Variants in MASP1 observed in about 807,000 individuals in gnomAD.
MASP1 encodes the protein mannan-binding lectin serine protease 1.
A neutral mutation model predicts 77.1 loss-of-function variants in MASP1; 59 were observed. The ratio of observed to expected loss-of-function variants is 0.77; its 90% confidence interval spans 0.62 to 0.95. The LOEUF is 0.95. Ranked by LOEUF, MASP1 falls within the 40% of genes least tolerant of loss-of-function variation. The probability of loss-of-function intolerance (pLI) is 0.00; values close to 1 mark genes in which losing one functional copy is unlikely to be tolerated. For missense variants in MASP1, 885 were observed against 912.9 expected, an observed-to-expected ratio of 0.97 and a Z score of 0.39; for synonymous variants, 362 against 354.5, an observed-to-expected ratio of 1.02 and a Z score of -0.24.
At position 187,251,090 on chromosome 3, in the gene MASP1, C is replaced by G. The variant is rs144508443; in HGVS notation, c.1011+544G>C. ...TCTCCTGCCTCAGCCTCCCAAGTAG[C>G]TGGGATTACAGGCGCCCGCCACCAC... On this transcript the variant is annotated intron_variant, in intron 7 of 10. Transcript: ENST00000296280. 2.4e-3 allele frequency among the ~76,000 whole-genome samples: 369 copies of G among 152,238 alleles called. 13 individuals carry two copies. In the East Asian group the frequency reaches 0.061, roughly 25 times the overall value.
In MASP1 at chr3:187,220,989, T is replaced by G. The variant is rs745435035; in HGVS notation, c.1909+46A>C. 3 of 1,524,768 alleles carry G rather than the reference T, an allele frequency of 2.0e-6. No individual in the cohort carries two copies. The African/African-American group carries it at 4.1e-5, about 21-fold the overall frequency. The allele number at this position is 1,524,768 out of a possible 1,614,324, so 94.5% of individuals were successfully genotyped here. A position where few individuals can be genotyped will look rare whatever the true frequency, so the allele number is the denominator to read the frequency against. ...TGCTCCCTTGCTGGCTCTGCACCACTCCCTGGCTGGCAGCGCCCCTGTTGT... is the reference window on the plus strand; with the variant it reads ...TGCTCCCTTGCTGGCTCTGCACCACGCCCTGGCTGGCAGCGCCCCTGTTGT... On this transcript the variant is annotated intron_variant, in intron 15 of 15. Coordinates refer to the MASP1 transcript ENST00000337774.
chr3:187,274,352 T>C (rs902758979), intron 2 of MASP1, among the ~76,000 whole-genome samples: 8 of 152,212 alleles, frequency 5.3e-5, no homozygotes, highest in Admixed American at 2.6e-4. Flanking sequence ...GGGAGACAGT[T>C]CTGAGTCCAT....
intron 11 of MASP1, among the ~76,000 whole-genome samples, chr3:187,228,348 C>A (rs1712559295): frequency 6.6e-6 from 1 of 151,678 alleles, no homozygotes; most frequent in Non-Finnish European, 1.5e-5. Flanking sequence ...TAGGTGCACA[C>A]AATCCATCTC....
At chr3:187,273,430 T>C (rs1228548576) in intron 2 of MASP1, among the ~76,000 whole-genome samples, 2 of 152,232 alleles carry the variant, frequency 1.3e-5, no homozygotes, top group Non-Finnish European at 2.9e-5. Context: ...CTCTAAAGGC[T>C]TCTGTCCACA....
intron 10 of MASP1, among the ~76,000 whole-genome samples, chr3:187,240,184 G>A (rs1202808409): frequency 8.4e-6 from 1 of 118,942 alleles, no homozygotes; most frequent in African/African-American, 3.4e-5. Flanking sequence ...CTTGGGTTAT[G>A]TCTTTATCAG....
intron 14 of MASP1, among the ~76,000 whole-genome samples, chr3:187,221,719 T>C (rs1712070644): frequency 6.6e-6 from 1 of 152,220 alleles, no homozygotes; most frequent in Non-Finnish European, 1.5e-5. Context: ...TGTTATGTTG[T>C]CCTCCCTCTC....
chr3:187,243,452 G>C (rs553888965), intron 9 of MASP1, 32 bp downstream of exon 9: 7 of 1,613,558 alleles, frequency 4.3e-6, no homozygotes, highest in Admixed American at 1.7e-5. Flanking sequence ...AGTGTGAAAC[G>C]GGAGTGGGAT....
At chr3:187,225,554 A>G (rs780385899) in intron 12 of MASP1, 1 of 1,599,930 alleles carries the variant, frequency 6.3e-7, no homozygotes, top group Non-Finnish European at 8.6e-7. Flanking sequence ...AATGGAGGAT[A>G]AGGTCACACC....
chr3:187,232,741 C>T (rs1041471042), downstream of MASP1, among the ~76,000 whole-genome samples: 5 of 152,122 alleles, frequency 3.3e-5, no homozygotes, highest in Admixed American at 1.3e-4. Flanking sequence ...TACCTCAGTA[C>T]CTCAATATGT....
Position 187,235,364 on chromosome 3 carries a change from G to A in MASP1, c.*320C>T, listed in dbSNP as rs947161371. 2.1e-6 allele frequency: 3 copies of A among 1,416,724 alleles called. No homozygotes were observed. Among genetic ancestry groups the A allele is most frequent in the African/African-American group, 1.4e-5 (1 of 70,426 alleles). 87.8% of individuals were successfully genotyped at this position (1,416,724 alleles called of 1,614,324 possible). On this transcript the variant is annotated 3_prime_UTR_variant, in exon 11 of 11. Transcript: ENST00000296280. Reference sequence around the variant, plus strand: ...TCAGGAGTGAATAAAGGCCACTGGGGTAAGAAGCATGGCCTGGAAAGGAGT... The same window carrying A: ...TCAGGAGTGAATAAAGGCCACTGGGATAAGAAGCATGGCCTGGAAAGGAGT...
chr3:187,260,845 TC>T lies in MASP1; in HGVS notation c.442del (p.Asp148ThrfsTer49). On this transcript the variant is annotated frameshift_variant, in exon 4 of 11. Coordinates refer to ENST00000296280, the MANE Select transcript of MASP1 (RefSeq NM_139125.4). LOFTEE classifies it high-confidence loss of function. ...GTAGTGGTCACAGGACAGCTCCTCG[TC>T]CTCCCTCTCCTTGCACTCGTCCACA... ...VDVDECKERE[D>X]EELSCDHYCH... 6.2e-7 allele frequency: 1 copy of T among 1,614,084 alleles called. No individual in the cohort carries two copies. The highest frequency in any genetic ancestry group is 1.1e-5 in the South Asian group (1 of 91,072).
At position 187,285,851 on chromosome 3, in the gene MASP1, A is replaced by G; in HGVS notation, c.211T>C (p.Tyr71His). ...YFMHFNLESS[Y>H]LCEYDYVKVE... ...TTCACATAGTCATATTCACAAAGGT[A>G]GGAGGATTCCAAGTTGAAGTGCATG... is the stretch of plus-strand genomic sequence containing the variant. The change falls in exon 2 of 11, where the codon TAC becomes CAC. Residue 71 changes from tyrosine to histidine, a missense_variant. Coordinates refer to ENST00000296280, the MANE Select transcript of MASP1 (RefSeq NM_139125.4). 6.2e-7 allele frequency: 1 copy of G among 1,614,080 alleles called. No individual in the cohort carries two copies. Among genetic ancestry groups the G allele is most frequent in the Non-Finnish European group, 8.5e-7 (1 of 1,179,940 alleles).
chr3:187,219,189 G>C (rs1429717586), exon 16 of MASP1: 1 of 152,160 alleles, frequency 6.6e-6, no homozygotes, highest in East Asian at 1.9e-4. Context: ...TTTGCCTTTT[G>C]GTTACATTGG....
At chr3:187,261,805 A>C (rs1012475212) in intron 3 of MASP1, among the ~76,000 whole-genome samples, 20 of 152,246 alleles carry the variant, frequency 1.3e-4, no homozygotes, top group Admixed American at 1.2e-3. Context: ...TGAGAGCTAA[A>C]AAATGGGGAG....
At chr3:187,227,608 A>C (rs1397564361) in intron 11 of MASP1, among the ~76,000 whole-genome samples, 4 of 152,170 alleles carry the variant, frequency 2.6e-5, no homozygotes, top group African/African-American at 4.8e-5. Context: ...TCCAGGCTCC[A>C]CTTGGCCCTC....
intron 5 of MASP1, among the ~76,000 whole-genome samples, chr3:187,254,547 T>C (rs571177834): frequency 2.6e-5 from 4 of 152,188 alleles, no homozygotes; most frequent in African/African-American, 9.6e-5. Context: ...CCACTTTGTG[T>C]TGAGAGATTT....
intron 6 of MASP1, 143 bp downstream of exon 6, chr3:187,253,025 C>A: frequency 9.9e-7 from 1 of 1,009,888 alleles, no homozygotes; most frequent in Non-Finnish European, 1.5e-6. Flanking sequence ...GGAGAAAGCA[C>A]GTGCCTTGGT....
intron 2 of MASP1, among the ~76,000 whole-genome samples, chr3:187,284,616 T>C (rs1224104065): frequency 2.0e-5 from 3 of 152,218 alleles, no homozygotes; most frequent in African/African-American, 4.8e-5. Flanking sequence ...ACAGTGCCTT[T>C]GTATGCCTCT....
chr3:187,253,528 T>C (rs1714810536), intron 5 of MASP1, among the ~76,000 whole-genome samples: 1 of 152,154 alleles, frequency 6.6e-6, no homozygotes, highest in African/African-American at 2.4e-5. Context: ...GCTCTTGACG[T>C]GGACAAGGCA....
Sources: allele counts gnomAD v4.1 joint callset (sites outside exome capture counted in the v4.1 genomes callset), GRCh38; gene constraint gnomAD v4.1.1; transcripts MANE v1.5; gene names NCBI Gene and HGNC (gene_info 2026-07-23, HGNC 2026-07-21).